Variants in ARHGAP24 observed in about 807,000 individuals in gnomAD.
ARHGAP24 encodes rho GTPase-activating protein 24.
Under a neutral mutation model 76.4 loss-of-function variants are expected in ARHGAP24, and 50 were observed. That is an observed-to-expected ratio of 0.65 (90% confidence interval 0.52 to 0.83). The LOEUF (loss-of-function observed/expected upper bound fraction) is 0.83. ARHGAP24 is among the 40% of genes least tolerant of loss of function. The pLI, the probability that ARHGAP24 is intolerant of heterozygous loss-of-function variation, is 0.00. For missense variants in ARHGAP24, 930 were observed against 914.2 expected, an observed-to-expected ratio of 1.02 and a Z score of -0.22; for synonymous variants, 345 against 323.3, an observed-to-expected ratio of 1.07 and a Z score of -0.72.
At chr4:85,705,286 T>C (rs1351959305) in intron 2 of ARHGAP24, among the ~76,000 whole-genome samples, 1 of 152,148 alleles carries the variant, frequency 6.6e-6, no homozygotes, top group African/African-American at 2.4e-5. Flanking sequence ...TTTACACATA[T>C]GACAGATACT....
In ARHGAP24 at chr4:85,860,329, T is replaced by C. The variant is rs76529021; in HGVS notation, c.269-63319T>C. ...CTCATATATGAGTCAGAGAATACAA[T>C]GAAGATGCCAAGAAGGAACTGCAAT... On this transcript the variant is annotated intron_variant, in intron 3 of 9. Coordinates refer to ENST00000395184, the MANE Select transcript of ARHGAP24 (RefSeq NM_001025616.3). Among the ~76,000 whole-genome samples the C allele has an allele frequency of 5.9e-4, 90 of 152,188 alleles. No individual in the cohort carries two copies. The East Asian group carries it at 0.016, about 27-fold the overall frequency.
At chr4:85,718,402 C>T (rs910303138) in intron 2 of ARHGAP24, among the ~76,000 whole-genome samples, 57 of 151,870 alleles carry the variant, frequency 3.8e-4, no homozygotes, top group East Asian at 1.5e-3. Flanking sequence ...TGTATAAACA[C>T]GTAAAAGTAT....
chr4:85,476,751 CATTG>C (rs1355531158), intron 1 of ARHGAP24, among the ~76,000 whole-genome samples: 1 of 152,066 alleles, frequency 6.6e-6, no homozygotes, highest in Non-Finnish European at 1.5e-5. Flanking sequence ...TTGAACTGGG[CATTG>C]TAAAATAAAA....
At chr4:85,504,975 A>C (rs1040286020) in intron 1 of ARHGAP24, among the ~76,000 whole-genome samples, 1 of 152,102 alleles carries the variant, frequency 6.6e-6, no homozygotes. Context: ...CCCTTCACTC[A>C]TGAAGCTTAG....
chr4:85,859,243 A>ACACACACACAC (rs60830018), intron 3 of ARHGAP24, among the ~76,000 whole-genome samples: 9 of 151,098 alleles, frequency 6.0e-5, no homozygotes, highest in Admixed American at 2.0e-4. Context: ...ACACACACAC[A>ACACACACACAC]AGATGTGCTT....
intron 3 of ARHGAP24, among the ~76,000 whole-genome samples, chr4:85,883,966 A>C (rs1016717278): frequency 3.9e-5 from 6 of 152,180 alleles, no homozygotes; most frequent in African/African-American, 9.6e-5. Context: ...ACAACAACAA[A>C]AAAATCATCC....
intron 5 of ARHGAP24, among the ~76,000 whole-genome samples, chr4:85,951,768 G>C (rs1737628817): frequency 6.6e-6 from 1 of 152,044 alleles, no homozygotes; most frequent in South Asian, 2.1e-4. Context: ...TTCAGGTTTT[G>C]TCTTTGTTAA....
At chr4:85,719,125 A>G (rs1437036776) in intron 2 of ARHGAP24, among the ~76,000 whole-genome samples, 1 of 152,232 alleles carries the variant, frequency 6.6e-6, no homozygotes, top group Non-Finnish European at 1.5e-5. Context: ...TAAATTCTTA[A>G]TTGAAACAAT....
At chr4:85,521,058 G>A (rs568948207) in intron 1 of ARHGAP24, among the ~76,000 whole-genome samples, 2 of 152,238 alleles carry the variant, frequency 1.3e-5, no homozygotes, top group South Asian at 4.1e-4. Flanking sequence ...GCAGTGACAC[G>A]GATCAGAGCT....
intron 3 of ARHGAP24, among the ~76,000 whole-genome samples, chr4:85,865,848 A>G (rs1578318263): frequency 6.6e-6 from 1 of 152,014 alleles, no homozygotes; most frequent in Non-Finnish European, 1.5e-5. Flanking sequence ...TTTATTATTT[A>G]TATTTATCTA....
At chr4:85,869,628 T>C (rs1470742688) in intron 3 of ARHGAP24, among the ~76,000 whole-genome samples, 1 of 152,128 alleles carries the variant, frequency 6.6e-6, no homozygotes, top group Non-Finnish European at 1.5e-5. Context: ...CAATTTTTTT[T>C]CCACACCAAA....
chr4:85,521,080 G>T (rs768033685), intron 1 of ARHGAP24, among the ~76,000 whole-genome samples: 1 of 152,130 alleles, frequency 6.6e-6, no homozygotes. Flanking sequence ...TTTTTCAGCA[G>T]AGTAGCTCAT....
intron 2 of ARHGAP24, among the ~76,000 whole-genome samples, chr4:85,688,769 G>T (rs751210498): frequency 2.8e-4 from 43 of 151,972 alleles, no homozygotes; most frequent in Non-Finnish European, 5.7e-4. Context: ...GAAAGGAAGG[G>T]GTCCAGTTTC....
chr4:85,620,484 T>C (rs1720680525), intron 2 of ARHGAP24, among the ~76,000 whole-genome samples: 1 of 151,900 alleles, frequency 6.6e-6, no homozygotes, highest in Non-Finnish European at 1.5e-5. Flanking sequence ...AGTTTTGTGG[T>C]TTCGGTTGTA....
rs538185181 is a variant in ARHGAP24 at position 85,687,583 on chromosome 4, A to T, written c.181-34302A>T. Among the ~76,000 whole-genome samples the T allele has an allele frequency of 9.2e-5, 14 of 152,312 alleles. No individual in the cohort carries two copies. The South Asian group carries it at 2.9e-3, about 32-fold the overall frequency. On this transcript the variant is annotated intron_variant, in intron 2 of 9. Transcript: ENST00000395184. ...ACCAGCTGCATTCATATTGCAGCAAAGGAAATTATTTTGTTCTTTCTGGCT... is the reference window on the plus strand; with the variant it reads ...ACCAGCTGCATTCATATTGCAGCAATGGAAATTATTTTGTTCTTTCTGGCT...
intron 2 of ARHGAP24, among the ~76,000 whole-genome samples, chr4:85,610,858 T>C (rs761268932): frequency 9.9e-5 from 15 of 152,214 alleles, no homozygotes; most frequent in Non-Finnish European, 2.1e-4. Flanking sequence ...AGGCTGCATA[T>C]TGAAGTAAGT....
At chr4:85,848,247 A>G (rs953767704) in intron 3 of ARHGAP24, among the ~76,000 whole-genome samples, 2 of 152,140 alleles carry the variant, frequency 1.3e-5, no homozygotes, top group African/African-American at 4.8e-5. Flanking sequence ...GGTTTGTTAC[A>G]TATATATACA....
At chr4:85,525,910 C>T (rs1179337715) in intron 1 of ARHGAP24, among the ~76,000 whole-genome samples, 3 of 152,122 alleles carry the variant, frequency 2.0e-5, no homozygotes, top group Non-Finnish European at 2.9e-5. Flanking sequence ...TGTTCTCACC[C>T]TTTATGTCAG....
At position 85,784,058 on chromosome 4, in the gene ARHGAP24, T is replaced by C. The variant is rs191118829; in HGVS notation, c.268+62086T>C. Reference sequence around the variant, plus strand: ...TTCTTCTCCCTTGCCTCCCTCTGAGTTGATTGCCCTTTGCACTTTGGCATT... The same window carrying C: ...TTCTTCTCCCTTGCCTCCCTCTGAGCTGATTGCCCTTTGCACTTTGGCATT... On this transcript the variant is annotated intron_variant, in intron 3 of 9. Transcript: ENST00000395184. 1.3e-4 allele frequency among the ~76,000 whole-genome samples: 20 copies of C among 152,300 alleles called. No homozygotes were observed. The East Asian group carries it at 3.9e-3, about 29-fold the overall frequency.
Sources: allele counts gnomAD v4.1 joint callset (sites outside exome capture counted in the v4.1 genomes callset), GRCh38; gene constraint gnomAD v4.1.1; transcripts MANE v1.5; gene names NCBI Gene and HGNC (gene_info 2026-07-23, HGNC 2026-07-21).